The following CLASRP variants were observed in gnomAD, a reference collection of about 807,000 sequenced individuals.
CLASRP encodes the protein CLK4 associating serine/arginine rich protein.
A neutral mutation model predicts 99.9 loss-of-function variants in CLASRP; 52 were observed. That is an observed-to-expected ratio of 0.52 (90% CI 0.42 to 0.66). CLASRP has a LOEUF of 0.66. CLASRP is among the 30% of genes least tolerant of loss of function. The pLI is 0.00. For synonymous variants in CLASRP, 379 were observed against 373.0 expected (o/e 1.02, Z -0.18); for missense variants, 848 against 999.2 (o/e 0.85, Z 2.04).
rs1051900821 is a variant in CLASRP, at chr19:45,067,625, T to A, written c.1667+31T>A. The A allele has an allele frequency of 5.1e-6, 8 of 1,557,290 alleles. No homozygotes were observed. The highest frequency in any genetic ancestry group is 7.0e-6 in the Non-Finnish European group (8 of 1,149,968). ...CGGGGCGGGTCTGGAGGAAGAGGGC[T>A]GCCAATCTCGGGTGGGGAGGGTGAA... On this transcript the variant is annotated intron_variant, in intron 14 of 20. Transcript: ENST00000221455. This position sits in a 1 kb window ranked among gnomAD's most constrained non-coding sequence, Gnocchi z 4.9.
At chr19:45,041,151 G>T (rs905940995) in intron 2 of CLASRP, among the ~76,000 whole-genome samples, 4 of 151,726 alleles carry the variant, frequency 2.6e-5, no homozygotes, top group South Asian at 2.1e-4. Flanking sequence ...AACCGGGGAG[G>T]GGGGCAGAGC....
At position 45,059,360 on chromosome 19, in the gene CLASRP, G is replaced by C. The variant is rs368668967; in HGVS notation, c.706G>C (p.Val236Leu). The C allele has an allele frequency of 6.3e-7, 1 of 1,584,566 alleles. No individual in the cohort carries two copies. The highest frequency in any genetic ancestry group is 8.6e-7 in the Non-Finnish European group (1 of 1,164,660). Residue 236 changes from valine to leucine, a missense_variant, in exon 8 of 21, where the codon GTC becomes CTC. Around this residue, in one of 8 missense-constraint regions of CLASRP, gnomAD observed 119 missense variants for 170.2 expected, o/e 0.70. Transcript: ENST00000221455. ...TTATGGCATGGCCGACGGTGACTTC[G>C]TCAGGTGAGGCCTGCCTGCTGACAC... is the stretch of plus-strand genomic sequence containing the variant. ...TTYGMADGDF[V>L]RMLRKDKEEA...
chr19:45,048,534 G>A (rs919794252), intron 2 of CLASRP, among the ~76,000 whole-genome samples: 11 of 145,092 alleles, frequency 7.6e-5, no homozygotes, highest in East Asian at 2.1e-4. Flanking sequence ...TCTCAAAACA[G>A]ACAAACAAAA....
rs1407598381 is a variant in CLASRP, at chr19:45,056,303, A to G, written c.380-147A>G. ...TGCAGTTGCTTGTGTCCCACCAGAC[A>G]TAGTTTGATTATCTGGAAGTGGTGA... is the stretch of plus-strand genomic sequence containing the variant. On this transcript the variant is annotated intron_variant, in intron 5 of 20. Coordinates refer to ENST00000221455, the MANE Select transcript of CLASRP (RefSeq NM_007056.3). The G allele has an allele frequency of 5.9e-6, 4 of 677,306 alleles. No homozygotes were observed. The Admixed American group carries it at 6.8e-5, about 11-fold the overall frequency. 42.0% of individuals were successfully genotyped at this position (677,306 alleles called of 1,614,324 possible). A position where few individuals can be genotyped will look rare whatever the true frequency, so the allele number is the denominator to read the frequency against.
At chr19:45,044,447 C>T (rs985571524) in intron 2 of CLASRP, among the ~76,000 whole-genome samples, 14 of 152,252 alleles carry the variant, frequency 9.2e-5, no homozygotes, top group African/African-American at 2.9e-4. Context: ...AACTGGAGCA[C>T]GGAGATACGT....
At chr19:45,058,366 A>G (rs559283569) in intron 7 of CLASRP, 1 of 157,434 alleles carries the variant, frequency 6.4e-6, no homozygotes, top group East Asian at 1.9e-4. Context: ...TTCTTACTCC[A>G]GCAACTGGCT....
intron 5 of CLASRP, among the ~76,000 whole-genome samples, chr19:45,054,384 G>A (rs936321422): frequency 7.2e-5 from 11 of 152,176 alleles, no homozygotes; most frequent in Non-Finnish European, 1.2e-4. Flanking sequence ...CAAGTAGCTG[G>A]GATTACCGGC....
At chr19:45,068,943 T>A (rs757986815) in intron 16 of CLASRP, 123 bp from the exon 17 acceptor site, 6 of 887,928 alleles carry the variant, frequency 6.8e-6, no homozygotes, top group Non-Finnish European at 8.8e-6. Flanking sequence ...TGAGCCAAGA[T>A]CACGCCACTG....
chr19:45,052,258 G>A (rs1211493484), intron 3 of CLASRP, 90 bp downstream of exon 3: 4 of 1,077,930 alleles, frequency 3.7e-6, no homozygotes, highest in Non-Finnish European at 1.4e-6. Flanking sequence ...AGAGACTGAA[G>A]TATGGACAGA....
At chr19:45,069,167 G>A in intron 17 of CLASRP, 35 bp from the exon 18 acceptor site, 1 of 1,614,026 alleles carries the variant, frequency 6.2e-7, no homozygotes, top group Non-Finnish European at 8.5e-7. Context: ...GTGGGTGCTG[G>A]CCTGGCCACG....
At chr19:45,043,603 C>T (rs997208283) in intron 2 of CLASRP, among the ~76,000 whole-genome samples, 11 of 152,038 alleles carry the variant, frequency 7.2e-5, no homozygotes, top group African/African-American at 2.7e-4. Context: ...TGATCCTTCG[C>T]AGGCACCCCC....
At chr19:45,043,001 C>T (rs1236793876) in intron 2 of CLASRP, among the ~76,000 whole-genome samples, 1 of 152,132 alleles carries the variant, frequency 6.6e-6, no homozygotes, top group Non-Finnish European at 1.5e-5. Flanking sequence ...TTTACACAAA[C>T]TTTGTTTCAT....
chr19:45,056,495 A>G lies in CLASRP; in HGVS notation c.425A>G (p.Tyr142Cys). The change falls in exon 6 of 21, where the codon TAC becomes TGC. Residue 142 changes from tyrosine to cysteine, a missense_variant. By Grantham distance (194) the Tyr-to-Cys change is radical (BLOSUM62 -2). Coordinates refer to ENST00000221455, the MANE Select transcript of CLASRP (RefSeq NM_007056.3). ...CLYQIYIDELYGGLQRPSEDE... is the reference protein window; with the variant it reads ...CLYQIYIDELCGGLQRPSEDE... The stretch of plus-strand genomic sequence containing the variant: ...TACCAGATCTACATTGATGAGTTGT[A>G]CGGAGGCCTCCAGAGACCCAGCGAA... 6.2e-7 allele frequency: 1 copy of G among 1,613,914 alleles called. No homozygotes were observed. Among genetic ancestry groups the G allele is most frequent in the Non-Finnish European group, 8.5e-7 (1 of 1,179,980 alleles).
intron 13 of CLASRP, among the ~76,000 whole-genome samples, chr19:45,066,940 G>A (rs1053004790): frequency 2.0e-5 from 3 of 152,152 alleles, no homozygotes; most frequent in African/African-American, 7.2e-5. Context: ...AGCAGGATGA[G>A]GTGGTGGGTG....
At chr19:45,070,763 G>C (rs1238956833) in intron 20 of CLASRP, 40 bp from the exon 21 acceptor site, 2 of 1,567,684 alleles carry the variant, frequency 1.3e-6, no homozygotes, top group African/African-American at 1.4e-5. Flanking sequence ...GTTGATGTGT[G>C]TATGCCCCAT....
intron 3 of CLASRP, 120 bp from the exon 4 acceptor site, chr19:45,052,670 TG>T: frequency 1.4e-6 from 1 of 693,484 alleles, no homozygotes. Flanking sequence ...GGTCATGGCA[TG>T]GGGACCAAAG....
At chr19:45,066,397 C>T (rs565400091) in intron 13 of CLASRP, among the ~76,000 whole-genome samples, 137 of 152,136 alleles carry the variant, frequency 9.0e-4, no homozygotes, top group Middle Eastern at 3.4e-3. Context: ...GGATTACAGG[C>T]GTGAGCCACC....
chr19:45,067,411 GC>G lies in CLASRP; in HGVS notation c.1485del (p.Ser496AlafsTer13). On this transcript the variant is annotated frameshift_variant, in exon 14 of 21. Transcript: ENST00000221455. LOFTEE classifies it high-confidence loss of function. This position sits in a 1 kb window ranked among gnomAD's most constrained non-coding sequence, Gnocchi z 4.9. ...AGGCACCACAGCAGTAGCCGCAGCC[GC>G]AGCAGCTGGTCCCTCAGCCCGTCCC... ...GLRHHSSSRS[R>X]SSWSLSPSRS... 1 of 1,532,858 alleles carries G rather than the reference GC, an allele frequency of 6.5e-7. No individual in the cohort carries two copies. The highest frequency in any genetic ancestry group is 8.8e-7 in the Non-Finnish European group (1 of 1,142,632). 95.0% of individuals were successfully genotyped at this position (1,532,858 alleles called of 1,614,324 possible). A position where few individuals can be genotyped will look rare whatever the true frequency, so the allele number is the denominator to read the frequency against.
intron 2 of CLASRP, among the ~76,000 whole-genome samples, chr19:45,043,636 T>A (rs539175989): frequency 6.6e-6 from 1 of 151,940 alleles, no homozygotes; most frequent in Non-Finnish European, 1.5e-5. Flanking sequence ...AGATGCAGGA[T>A]TTTTTTTGAA....
Sources: gnomAD v4.1 joint callset for allele counts (sites outside exome capture counted in the v4.1 genomes callset) on GRCh38, gnomAD v4.1.1 for gene constraint, gnomAD v4.1.1 regional missense constraint, Gnocchi (gnomAD v3.1) non-coding constraint, MANE v1.5 for transcripts, NCBI Gene and HGNC (gene_info 2026-07-23, HGNC 2026-07-21) for gene names.